ARB2A: variants seen among roughly 807,000 people sequenced by gnomAD.
The protein encoded by ARB2A is cotranscriptional regulator ARB2A.
chr5:93,900,439 C>T, the ARB2A span, among the ~76,000 whole-genome samples: 18 of 151,840 alleles, frequency 1.2e-4, 1 homozygote, highest in South Asian at 3.8e-3. Flanking sequence ...GGTGAAACCC[C>T]GTCTCTACGA....
the ARB2A span, among the ~76,000 whole-genome samples, chr5:93,912,476 A>G: frequency 1.3e-5 from 2 of 151,874 alleles, no homozygotes; most frequent in South Asian, 2.1e-4. Context: ...TCTCCACTGT[A>G]TAGCTAGTTT....
At chr5:93,652,945 T>TTA in the ARB2A span, among the ~76,000 whole-genome samples, 1 of 152,216 alleles carries the variant, frequency 6.6e-6, no homozygotes, top group Non-Finnish European at 1.5e-5. Flanking sequence ...ATATGTTGCT[T>TTA]ATGTCCCATT....
chr5:93,886,370 A>T, the ARB2A span, among the ~76,000 whole-genome samples: 1 of 151,816 alleles, frequency 6.6e-6, no homozygotes, highest in Admixed American at 6.6e-5. Context: ...TCTGTAAGAG[A>T]TCATTTTACA....
At chr5:93,951,920 C>T in the ARB2A span, among the ~76,000 whole-genome samples, 1 of 152,174 alleles carries the variant, frequency 6.6e-6, no homozygotes, top group African/African-American at 2.4e-5. Context: ...ACTTACAACA[C>T]AGTGGTAAAT....
the ARB2A span, among the ~76,000 whole-genome samples, chr5:94,052,404 T>A: frequency 6.6e-6 from 1 of 152,242 alleles, no homozygotes; most frequent in South Asian, 2.1e-4. Context: ...TAGTACACGA[T>A]GACTGTCACC....
chr5:94,019,248 T>C, the ARB2A span, among the ~76,000 whole-genome samples: 2 of 152,154 alleles, frequency 1.3e-5, no homozygotes, highest in Non-Finnish European at 2.9e-5. Context: ...GACATAGGCA[T>C]GGGCAAAGAC....
At chr5:93,921,157 TAAAAAAA>T in the ARB2A span, among the ~76,000 whole-genome samples, 20 of 124,134 alleles carry the variant, frequency 1.6e-4, no homozygotes, top group South Asian at 2.6e-4. Context: ...AAGACCATGT[TAAAAAAA>T]AAAAAAAAAA....
At chr5:94,090,300 A>G in the ARB2A span, among the ~76,000 whole-genome samples, 16,247 of 152,062 alleles carry the variant, frequency 0.11, 981 homozygotes, top group Middle Eastern at 0.16. Context: ...GTGAATGGGA[A>G]TTCACTATGA....
the ARB2A span, among the ~76,000 whole-genome samples, chr5:93,756,362 G>T: frequency 1.3e-5 from 2 of 152,162 alleles, no homozygotes; most frequent in African/African-American, 4.8e-5. Context: ...GGTCCCTCTG[G>T]ATACTACTAC....
At chr5:93,953,327 G>A in the ARB2A span, among the ~76,000 whole-genome samples, 3 of 152,098 alleles carry the variant, frequency 2.0e-5, no homozygotes, top group Non-Finnish European at 2.9e-5. Context: ...AGGCACTTGG[G>A]TATTGTGTTA....
chr5:93,714,179 A>G, the ARB2A span, among the ~76,000 whole-genome samples: 1 of 152,258 alleles, frequency 6.6e-6, no homozygotes, highest in African/African-American at 2.4e-5. Context: ...AAACAGAAAT[A>G]CAATTCGTTA....
the ARB2A span, among the ~76,000 whole-genome samples, chr5:93,706,035 C>T: frequency 6.6e-6 from 1 of 152,232 alleles, no homozygotes; most frequent in African/African-American, 2.4e-5. Context: ...AGCAATTCCA[C>T]TTATAGGTAT....
the ARB2A span, among the ~76,000 whole-genome samples, chr5:93,948,312 T>C: frequency 1.4e-4 from 21 of 152,250 alleles, no homozygotes; most frequent in Admixed American, 1.3e-4. Context: ...AAATGTCTTC[T>C]TTTGAGAAGT....
At chr5:94,050,880 A>G in the ARB2A span, 2 of 1,280,430 alleles carry the variant, frequency 1.6e-6, no homozygotes, top group African/African-American at 3.0e-5. Context: ...TATATTGACA[A>G]TAATATAAAC....
At chr5:93,988,948 A>G in the ARB2A span, among the ~76,000 whole-genome samples, 3 of 152,184 alleles carry the variant, frequency 2.0e-5, no homozygotes, top group African/African-American at 7.2e-5. Context: ...CTAAACGTGT[A>G]TATTACTTTT....
chr5:94,066,952 A>G, the ARB2A span, among the ~76,000 whole-genome samples: 1 of 152,176 alleles, frequency 6.6e-6, no homozygotes, highest in South Asian at 2.1e-4. Context: ...TAAAATAACA[A>G]TAAACCAGAT....
chr5:93,750,705 T>C, the ARB2A span, among the ~76,000 whole-genome samples: 1 of 152,094 alleles, frequency 6.6e-6, no homozygotes, highest in Non-Finnish European at 1.5e-5. Flanking sequence ...ATTTTTATTT[T>C]TTTGTAGAGA....
the ARB2A span, chr5:93,740,366 G>C: frequency 1.8e-6 from 1 of 551,028 alleles, no homozygotes; most frequent in Non-Finnish European, 3.2e-6. Flanking sequence ...AAAACAAAGG[G>C]AAAACACAAA....
chr5:94,004,667 T>C, the ARB2A span, among the ~76,000 whole-genome samples: 1 of 151,832 alleles, frequency 6.6e-6, no homozygotes, highest in African/African-American at 2.4e-5. Context: ...GAATACACAA[T>C]CAATTCTTAT....
Sources: allele counts gnomAD v4.1 joint callset (sites outside exome capture counted in the v4.1 genomes callset), GRCh38; gene constraint gnomAD v4.1.1; transcripts MANE v1.5; gene names NCBI Gene and HGNC (gene_info 2026-07-23, HGNC 2026-07-21).